Variants in IL3RA observed in about 807,000 individuals in gnomAD.
IL3RA encodes interleukin 3 receptor subunit alpha.
In IL3RA, 73 loss-of-function variants were observed where a neutral mutation model predicts 52.3. The observed-to-expected ratio is 1.40, with a 90% confidence interval of 1.16 to 1.70. The LOEUF is 1.70. Among genes scored for constraint, IL3RA ranks in the 40% most tolerant of loss-of-function variants. IL3RA has a pLI of 0.00. For synonymous variants in IL3RA, 260 were observed against 194.0 expected, an observed-to-expected ratio of 1.34 and a Z score of -2.83; for missense variants, 664 against 504.4, an observed-to-expected ratio of 1.32 and a Z score of -3.03.
chrX:1,363,026 T>G (rs1157474864), intron 8 of IL3RA, among the ~76,000 whole-genome samples: 2 of 152,110 alleles, frequency 1.3e-5, no homozygotes. Context: ...TCTACCCACC[T>G]CAGCCTCCCA....
chrX:1,341,710 C>T lies in IL3RA; in HGVS notation c.-38-18C>T. On this transcript the variant is annotated intron_variant, in intron 1 of 11. Transcript: ENST00000331035. Reference sequence around the variant, plus strand: ...TTCACAGCCAGTCCCCGCTGCCTGACTCTCGTTTCTCCTGCAGCAGGCACC... The same window carrying T: ...TTCACAGCCAGTCCCCGCTGCCTGATTCTCGTTTCTCCTGCAGCAGGCACC... 2 of 1,602,984 alleles carry T rather than the reference C, an allele frequency of 1.2e-6. No individual in the cohort carries two copies. The highest frequency in any genetic ancestry group is 1.7e-6 in the Non-Finnish European group (2 of 1,170,968).
intron 9 of IL3RA, among the ~76,000 whole-genome samples, chrX:1,368,045 G>A (rs2088302093): frequency 6.6e-6 from 1 of 152,088 alleles, no homozygotes; most frequent in South Asian, 2.1e-4. Context: ...GGATCACAAG[G>A]TCAGGAGATC....
At chrX:1,343,559 C>A (rs191037267) in intron 2 of IL3RA, among the ~76,000 whole-genome samples, 1 of 148,986 alleles carries the variant, frequency 6.7e-6, no homozygotes, top group Non-Finnish European at 1.5e-5. Flanking sequence ...CCCTGCTACT[C>A]AGGAGGCTGA....
chrX:1,356,355 C>T lies in IL3RA; in HGVS notation c.732+19C>T. 1 of 1,295,018 alleles carries T rather than the reference C, an allele frequency of 7.7e-7. No homozygotes were observed. The highest frequency in any genetic ancestry group is 1.1e-6 in the Non-Finnish European group (1 of 946,490). 80.2% of individuals were successfully genotyped at this position (1,295,018 alleles called of 1,614,324 possible). On this transcript the variant is annotated intron_variant, in intron 7 of 11. Coordinates refer to ENST00000331035, the MANE Select transcript of IL3RA (RefSeq NM_002183.4). ...ACAAAAGGTAAACTTTCACCCCGCC[C>T]CCAGCCCCCCCACCCCCGTGGACAT...
chrX:1,353,502 C>CCCA, intron 6 of IL3RA, among the ~76,000 whole-genome samples: 1 of 150,892 alleles, frequency 6.6e-6, no homozygotes, highest in African/African-American at 2.5e-5. Context: ...TGGGACCCCC[C>CCCA]ATCATGGGTT....
chrX:1,339,207 TGGACC>T (rs1482465216), intron 1 of IL3RA, among the ~76,000 whole-genome samples: 21 of 152,288 alleles, frequency 1.4e-4, no homozygotes, highest in African/African-American at 5.1e-4. Flanking sequence ...GGCATCTTCC[TGGACC>T]ACAGCCCCTA....
chrX:1,344,763 A>G (rs1407394030), intron 2 of IL3RA, among the ~76,000 whole-genome samples: 1 of 151,436 alleles, frequency 6.6e-6, no homozygotes, highest in African/African-American at 2.4e-5. Flanking sequence ...ACAAGAGCAA[A>G]ACTCCGTCTC....
At chrX:1,349,244 C>G (rs6422439) in intron 4 of IL3RA, among the ~76,000 whole-genome samples, 4 of 149,870 alleles carry the variant, frequency 2.7e-5, no homozygotes, top group Non-Finnish European at 1.5e-5. Flanking sequence ...TGCACTGGCG[C>G]GATCTCGGCT....
At chrX:1,380,617 T>C (rs1445466709) in intron 10 of IL3RA, among the ~76,000 whole-genome samples, 6 of 17,480 alleles carry the variant, frequency 3.4e-4, no homozygotes, top group African/African-American at 1.3e-3. Flanking sequence ...GGAGGATGAG[T>C]GGGGAGGGGG....
intron 8 of IL3RA, among the ~76,000 whole-genome samples, chrX:1,360,350 CTCTT>C (rs747511724): frequency 1.6e-4 from 24 of 148,344 alleles, no homozygotes; most frequent in East Asian, 9.8e-4. Context: ...CTCCCTCCCT[CTCTT>C]TATCTCTCTC....
Position 1,382,282 on chromosome X carries a change from G to A in IL3RA, c.1063-109G>A, listed in dbSNP as rs776508619. On this transcript the variant is annotated intron_variant, in intron 11 of 11. Transcript: ENST00000331035. ...TGGGATGACAGGCGTGAGACACCAT[G>A]CCTGGCCCACAGAGCAGATCTGAGA... 2.5e-3 allele frequency: 2,551 copies of A among 1,012,882 alleles called. 39 individuals are homozygous for A. In the African/African-American group the frequency reaches 0.033, roughly 13 times the overall value. 62.7% of individuals were successfully genotyped at this position (1,012,882 alleles called of 1,614,324 possible).
rs200747170 is a variant in IL3RA, at chrX:1,353,700, A to AC, written c.616+1202dup. ...CATGGGTTCCATCACGGGTCATGGG[A>AC]CCCCCCCCAATCATGGGTTCCATCA... On this transcript the variant is annotated intron_variant, in intron 6 of 11. Transcript: ENST00000331035. 3.9e-3 allele frequency among the ~76,000 whole-genome samples: 245 copies of AC among 63,402 alleles called. 37 individuals are homozygous for AC. Among genetic ancestry groups the AC allele is most frequent in the African/African-American group, 0.014 (167 of 12,000 alleles). 41.6% of individuals were successfully genotyped at this position (63,402 alleles called of 152,430 possible).
intron 8 of IL3RA, among the ~76,000 whole-genome samples, chrX:1,361,069 GTCTCTCTCTCCCTTCCCCTC>G (rs2087273779): frequency 2.9e-5 from 1 of 34,170 alleles, no homozygotes; most frequent in Non-Finnish European, 5.1e-5. Context: ...TCCCCTCTCT[GTCTCTCTCTCCCTTCCCCTC>G]TCTGTCTCTC....
At chrX:1,342,122 A>G (rs1401055790) in intron 2 of IL3RA, among the ~76,000 whole-genome samples, 1 of 151,966 alleles carries the variant, frequency 6.6e-6, no homozygotes, top group Non-Finnish European at 1.5e-5. Context: ...AGCACCAATA[A>G]CAATTTCCAG....
intron 2 of IL3RA, among the ~76,000 whole-genome samples, chrX:1,344,253 G>C (rs1234831297): frequency 6.6e-6 from 1 of 151,924 alleles, no homozygotes; most frequent in Non-Finnish European, 1.5e-5. Context: ...GGCCAACATG[G>C]TGAAACCCCA....
chrX:1,361,059 T>C (rs1318068901), intron 8 of IL3RA, among the ~76,000 whole-genome samples: 3 of 50,106 alleles, frequency 6.0e-5, no homozygotes, highest in African/African-American at 2.3e-4. Flanking sequence ...CTCTCTCCCT[T>C]CCCCTCTCTG....
At chrX:1,367,474 G>A (rs2088188826) in intron 9 of IL3RA, among the ~76,000 whole-genome samples, 2 of 77,358 alleles carry the variant, frequency 2.6e-5, no homozygotes, top group African/African-American at 1.3e-4. Context: ...CGCGGGGTGA[G>A]CGGGGTGCGC....
intron 8 of IL3RA, among the ~76,000 whole-genome samples, chrX:1,364,199 A>C (rs1482092780): frequency 6.8e-6 from 1 of 146,458 alleles, no homozygotes; most frequent in African/African-American, 2.5e-5. Context: ...AAAAAAAAAA[A>C]ATTTTTTTTT....
At chrX:1,381,212 A>G (rs2089163492) in intron 11 of IL3RA, 108 bp downstream of exon 11, 1 of 892,496 alleles carries the variant, frequency 1.1e-6, no homozygotes, top group South Asian at 1.4e-5. Context: ...CAGCCTGGCC[A>G]ACATGGAGAA....
Sources: gnomAD v4.1 joint callset for allele counts (sites outside exome capture counted in the v4.1 genomes callset) on GRCh38, gnomAD v4.1.1 for gene constraint, MANE v1.5 for transcripts, NCBI Gene and HGNC (gene_info 2026-07-23, HGNC 2026-07-21) for gene names.